ZNF75D: variants seen among roughly 807,000 people sequenced by gnomAD.
ZNF75D encodes the protein zinc finger protein 75D, also known as zinc finger protein 75.
A neutral mutation model predicts 33.3 loss-of-function variants in ZNF75D; 33 were observed. That is an observed-to-expected ratio of 0.99 (90% confidence interval 0.75 to 1.32). The LOEUF is 1.32. Ranked by LOEUF, ZNF75D falls within the 40% of genes most tolerant of loss-of-function variation. The pLI is 0.00. For synonymous variants in ZNF75D, 113 were observed against 130.6 expected, an observed-to-expected ratio of 0.87 and a Z score of 0.92; for missense variants, 338 against 367.5, an observed-to-expected ratio of 0.92 and a Z score of 0.66.
chrX:135,301,994 C>T (rs2084223106), intron 1 of ZNF75D, among the ~76,000 whole-genome samples: 1 of 112,188 alleles, frequency 8.9e-6, no homozygotes, highest in South Asian at 3.7e-4. Context: ...GACTTCTGTA[C>T]ACCCACAGGT....
downstream of ZNF75D, among the ~76,000 whole-genome samples, chrX:135,284,287 T>C (rs1314740914): frequency 8.9e-6 from 1 of 112,374 alleles, no homozygotes; most frequent in Non-Finnish European, 1.9e-5. Flanking sequence ...TGGGCAGTTA[T>C]GCAATAGAAT....
At chrX:135,258,746 G>A (rs1444635314) in intron 1 of ZNF75D, among the ~76,000 whole-genome samples, 1 of 111,816 alleles carries the variant, frequency 8.9e-6, no homozygotes, top group Non-Finnish European at 1.9e-5. Context: ...TCTGTAGGTT[G>A]CCTGTTCACT....
chrX:135,330,964 A>G (rs2084644624), intron 1 of ZNF75D, among the ~76,000 whole-genome samples: 1 of 111,246 alleles, frequency 9.0e-6, no homozygotes, highest in African/African-American at 3.3e-5. Context: ...CAGGCCATGC[A>G]AGGATGCAAG....
At chrX:135,338,915 TCTC>T (rs1474779818) in intron 1 of ZNF75D, among the ~76,000 whole-genome samples, 1 of 96,324 alleles carries the variant, frequency 1.0e-5, no homozygotes, top group African/African-American at 3.8e-5. Flanking sequence ...CATGCCCCCT[TCTC>T]TTCACCTCCC....
chrX:135,335,355 C>A (rs1556442105), intron 1 of ZNF75D, among the ~76,000 whole-genome samples: 1 of 110,979 alleles, frequency 9.0e-6, no homozygotes, highest in African/African-American at 3.3e-5. Flanking sequence ...CCTGAATGCC[C>A]CTTCTCTGGG....
In ZNF75D at chrX:135,340,893, T is replaced by C. The variant is rs377111167; in HGVS notation, c.-391+875A>G. 2.7e-3 allele frequency among the ~76,000 whole-genome samples: 302 copies of C among 112,159 alleles called. 1 individual carries two copies. The highest frequency in any genetic ancestry group is 9.4e-3 in the African/African-American group (290 of 30,836). On this transcript the variant is annotated intron_variant, in intron 1 of 6. Transcript: ENST00000370766. ...GCCACTGAACCGGTATAATTAAATG[T>C]AATGAGGATAGCTGGATTGTGGGGT... is the stretch of plus-strand genomic sequence containing the variant.
At chrX:135,275,492 T>G (rs2083896433) in intron 1 of ZNF75D, among the ~76,000 whole-genome samples, 1 of 111,490 alleles carries the variant, frequency 9.0e-6, no homozygotes, top group South Asian at 3.7e-4. Flanking sequence ...GTGGTTTTTT[T>G]GGGTCCCTGC....
intron 1 of ZNF75D, among the ~76,000 whole-genome samples, chrX:135,341,174 C>T (rs541947432): frequency 1.8e-5 from 2 of 111,302 alleles, no homozygotes; most frequent in South Asian, 7.6e-4. Context: ...CCTAGCCCTT[C>T]GATCAATTCC....
chrX:135,304,737 G>A (rs2084263055), intron 1 of ZNF75D, among the ~76,000 whole-genome samples: 1 of 112,713 alleles, frequency 8.9e-6, no homozygotes, highest in South Asian at 3.7e-4. Flanking sequence ...TTTAAAACAT[G>A]CTACCTATAG....
intron 1 of ZNF75D, among the ~76,000 whole-genome samples, chrX:135,274,857 C>G (rs1201090560): frequency 8.9e-6 from 1 of 111,984 alleles, no homozygotes; most frequent in Non-Finnish European, 1.9e-5. Context: ...TTGTTCTTAT[C>G]TATAAATGCC....
chrX:135,319,286 T>C (rs2084466405), intron 1 of ZNF75D, among the ~76,000 whole-genome samples: 1 of 112,620 alleles, frequency 8.9e-6, no homozygotes, highest in Non-Finnish European at 1.9e-5. Context: ...CTTTGGTTTC[T>C]TGGATTCTGT....
At chrX:135,287,925 T>C (rs1569488602) in intron 6 of ZNF75D, 79 bp from the exon 7 acceptor site, 1 of 792,467 alleles carries the variant, frequency 1.3e-6, no homozygotes, top group East Asian at 3.2e-5. Flanking sequence ...AAGTCAATGA[T>C]GATTGCTTTA....
At chrX:135,278,735 T>C (rs2083909113) in intron 1 of ZNF75D, among the ~76,000 whole-genome samples, 1 of 112,353 alleles carries the variant, frequency 8.9e-6, no homozygotes, top group African/African-American at 3.2e-5. Flanking sequence ...TTTCTGCATC[T>C]ATTGAGATAA....
chrX:135,249,578 A>G (rs2083773417), intron 3 of ZNF75D, among the ~76,000 whole-genome samples: 1 of 108,307 alleles, frequency 9.2e-6, no homozygotes, highest in Non-Finnish European at 1.9e-5. Flanking sequence ...TGAGTCCAGA[A>G]TGACAAGCCA....
intron 1 of ZNF75D, among the ~76,000 whole-genome samples, chrX:135,264,220 G>A (rs1416243955): frequency 1.8e-5 from 2 of 111,563 alleles, no homozygotes; most frequent in Non-Finnish European, 3.8e-5. Context: ...GACAGCAAAG[G>A]AGGGAGTGCC....
At chrX:135,276,265 A>G (rs1430808621) in intron 1 of ZNF75D, among the ~76,000 whole-genome samples, 2 of 112,151 alleles carry the variant, frequency 1.8e-5, no homozygotes, top group African/African-American at 6.5e-5. Context: ...GGGTAGGCAT[A>G]TAGACAAATA....
At chrX:135,270,934 G>T (rs1480556863) in intron 1 of ZNF75D, among the ~76,000 whole-genome samples, 9 of 112,306 alleles carry the variant, frequency 8.0e-5, no homozygotes, top group Non-Finnish European at 5.6e-5. Context: ...ATTTTGGGGA[G>T]AAGGAAAAGA....
rs1318329861 is a variant in ZNF75D, at chrX:135,293,904, C to T, written c.237G>A (p.Arg79=). 1.7e-6 allele frequency: 2 copies of T among 1,211,421 alleles called. No homozygotes were observed. Among genetic ancestry groups the T allele is most frequent in the South Asian group, 3.5e-5 (2 of 56,946 alleles). Residue 79 remains arginine, a synonymous_variant, in exon 3 of 7, where the codon AGG becomes AGA. Transcript: ENST00000370766. ...TCTGCTCTTTTGAGTGGATCTCTGGCCTCAGCCACTGATGGCACAATTTCT... is the reference window on the plus strand; with the variant it reads ...TCTGCTCTTTTGAGTGGATCTCTGGTCTCAGCCACTGATGGCACAATTTCT... ...QLQKLCHQWL[R]PEIHSKEQIL... is the part of the protein sequence containing the mutation.
chrX:135,299,729 A>AC (rs782791025), intron 1 of ZNF75D, among the ~76,000 whole-genome samples: 3 of 112,456 alleles, frequency 2.7e-5, no homozygotes, highest in African/African-American at 9.7e-5. Flanking sequence ...TTTCTTTTAG[A>AC]CGTTTTATAA....
Sources: gnomAD v4.1 joint callset for allele counts (sites outside exome capture counted in the v4.1 genomes callset) on GRCh38, gnomAD v4.1.1 for gene constraint, MANE v1.5 for transcripts, NCBI Gene and HGNC (gene_info 2026-07-23, HGNC 2026-07-21) for gene names.